DPP6: variants seen among roughly 807,000 people sequenced by gnomAD.
The protein encoded by DPP6 is A-type potassium channel modulatory protein DPP6.
DPP6 carries 69 observed loss-of-function variants against 122.6 expected under a neutral mutation model. The ratio of observed to expected loss-of-function variants is 0.56; its 90% CI spans 0.46 to 0.69. The LOEUF (loss-of-function observed/expected upper bound fraction) is 0.69. DPP6 is among the 30% of genes least tolerant of loss of function. The pLI is 0.00. For missense variants in DPP6, 928 were observed against 1,116.9 expected, an observed-to-expected ratio of 0.83 and a Z score of 2.41; for synonymous variants, 418 against 433.1, an observed-to-expected ratio of 0.97 and a Z score of 0.43.
chr7:154,051,739 CGAGGGGCGCCTGG>C (rs1274467468), upstream of DPP6, among the ~76,000 whole-genome samples: 2 of 150,710 alleles, frequency 1.3e-5, no homozygotes, highest in African/African-American at 4.9e-5. Context: ...GCATCGCCCG[CGAGGGGCGCCTGG>C]GCCTCTGGGC....
intron 1 of DPP6, among the ~76,000 whole-genome samples, chr7:154,342,904 A>G (rs1447060213): frequency 6.6e-6 from 1 of 152,226 alleles, no homozygotes; most frequent in African/African-American, 2.4e-5. Flanking sequence ...TGATCAATGT[A>G]TTTATAGTAG....
intron 5 of DPP6, among the ~76,000 whole-genome samples, chr7:154,575,204 CTG>C (rs1423600210): frequency 2.0e-5 from 1 of 49,208 alleles, no homozygotes; most frequent in Non-Finnish European, 3.9e-5. Flanking sequence ...TGTGTGGTGT[CTG>C]TGGTGTGTGT....
At chr7:154,691,027 G>A (rs3807243) in intron 7 of DPP6, among the ~76,000 whole-genome samples, 24,861 of 152,034 alleles carry the variant, frequency 0.16, 2,519 homozygotes, top group African/African-American at 0.29. Flanking sequence ...GTTGTCAGGC[G>A]GAAAAGGTTT....
chr7:154,067,497 A>G (rs1802814574), intron 1 of DPP6, among the ~76,000 whole-genome samples: 1 of 152,124 alleles, frequency 6.6e-6, no homozygotes, highest in Non-Finnish European at 1.5e-5. Flanking sequence ...CAGAGTATTC[A>G]GGGAGGTATG....
intron 1 of DPP6, among the ~76,000 whole-genome samples, chr7:154,436,319 T>C (rs1259540067): frequency 6.6e-6 from 1 of 151,646 alleles, no homozygotes; most frequent in East Asian, 1.9e-4. Flanking sequence ...CCCCAGCTGG[T>C]CACCACCTCC....
At chr7:154,371,790 C>G (rs866963684) in intron 1 of DPP6, among the ~76,000 whole-genome samples, 6 of 152,180 alleles carry the variant, frequency 3.9e-5, no homozygotes, top group African/African-American at 7.2e-5. Flanking sequence ...GAAAATGCCT[C>G]TTTTCCAAAC....
At chr7:154,334,510 G>A (rs374407453) in intron 1 of DPP6, among the ~76,000 whole-genome samples, 5 of 152,328 alleles carry the variant, frequency 3.3e-5, no homozygotes, top group Non-Finnish European at 7.4e-5. Flanking sequence ...AAGCCAAGAT[G>A]CCTTTCACCA....
At chr7:154,810,562 G>T (rs1798989721) in intron 16 of DPP6, among the ~76,000 whole-genome samples, 1 of 152,134 alleles carries the variant, frequency 6.6e-6, no homozygotes. Context: ...TTGTGTTGTG[G>T]TCTGCAAATA....
At chr7:153,989,935 C>T (rs1227239608) in intron 1 of DPP6, among the ~76,000 whole-genome samples, 3 of 134,338 alleles carry the variant, frequency 2.2e-5, no homozygotes, top group African/African-American at 8.5e-5. Context: ...AGTGGCCAGC[C>T]CCGCCCCCAG....
intron 5 of DPP6, among the ~76,000 whole-genome samples, chr7:154,572,539 T>G (rs1586655272): frequency 8.1e-6 from 1 of 123,426 alleles, no homozygotes; most frequent in Non-Finnish European, 1.6e-5. Flanking sequence ...TTTTTTTTGG[T>G]GGTGTCTCAC....
chr7:154,142,689 A>G (rs1434945770), intron 1 of DPP6, among the ~76,000 whole-genome samples: 1 of 152,142 alleles, frequency 6.6e-6, no homozygotes, highest in African/African-American at 2.4e-5. Flanking sequence ...GCCTATTCAC[A>G]TTATTAATAA....
chr7:153,834,628 C>T, the DPP6 span, among the ~76,000 whole-genome samples: 1 of 152,146 alleles, frequency 6.6e-6, no homozygotes, highest in East Asian at 1.9e-4. Flanking sequence ...TCATTTGATT[C>T]TTGAAACAAT....
chr7:154,466,335 C>A (rs1821780082), intron 2 of DPP6, among the ~76,000 whole-genome samples: 1 of 152,154 alleles, frequency 6.6e-6, no homozygotes. Context: ...GCACATGTAT[C>A]CCAGAACTTA....
At chr7:154,111,265 C>T (rs1806551731) in intron 1 of DPP6, among the ~76,000 whole-genome samples, 1 of 152,236 alleles carries the variant, frequency 6.6e-6, no homozygotes, top group Non-Finnish European at 1.5e-5. Flanking sequence ...GATCAGAGAG[C>T]AGGTCTTCAG....
At chr7:153,762,398 A>G in the DPP6 span, among the ~76,000 whole-genome samples, 13 of 152,164 alleles carry the variant, frequency 8.5e-5, no homozygotes, top group Admixed American at 7.2e-4. Context: ...TACTTAACCT[A>G]TTCATCAACT....
rs533107479 is a variant in DPP6, at chr7:154,715,542, A to G, written c.763-12225A>G. 5.9e-5 allele frequency among the ~76,000 whole-genome samples: 9 copies of G among 152,306 alleles called. No individual in the cohort carries two copies. In the East Asian group the frequency reaches 7.7e-4, roughly 13 times the overall value. ...AAGTGGGATTGTGATAGGCTATTTT[A>G]AGTACTTGAATTATGAGACAATTTT... is the stretch of plus-strand genomic sequence containing the variant. On this transcript the variant is annotated intron_variant, in intron 7 of 25. Transcript: ENST00000377770.
the DPP6 span, among the ~76,000 whole-genome samples, chr7:153,808,255 GCGTGTGTGCCTGTGTGTGCGCA>G: frequency 1.3e-4 from 20 of 151,362 alleles, no homozygotes; most frequent in Non-Finnish European, 1.8e-4. Flanking sequence ...GCACGTGCGT[GCGTGTGTGCCTGTGTGTGCGCA>G]CGTGTGTGCC....
chr7:154,556,307 G>C (rs1398448981), intron 4 of DPP6, among the ~76,000 whole-genome samples: 2 of 152,162 alleles, frequency 1.3e-5, no homozygotes, highest in Non-Finnish European at 1.5e-5. Flanking sequence ...AACAGGATAT[G>C]AATCACAGTC....
intron 1 of DPP6, among the ~76,000 whole-genome samples, chr7:154,351,826 A>G (rs1241402419): frequency 6.6e-6 from 1 of 152,184 alleles, no homozygotes; most frequent in Non-Finnish European, 1.5e-5. Context: ...TCTTTGCTCC[A>G]GCTGAGCACC....
Sources: allele counts gnomAD v4.1 joint callset (sites outside exome capture counted in the v4.1 genomes callset), GRCh38; gene constraint gnomAD v4.1.1; transcripts MANE v1.5; gene names NCBI Gene and HGNC (gene_info 2026-07-23, HGNC 2026-07-21).